ARHGAP18: variants seen among roughly 807,000 people sequenced by gnomAD.
The protein encoded by ARHGAP18 is rho GTPase-activating protein 18.
Under a neutral mutation model 86.2 loss-of-function variants are expected in ARHGAP18, and 67 were observed. The observed-to-expected ratio is 0.78, with a 90% CI of 0.64 to 0.95. ARHGAP18 has a LOEUF of 0.95. Among genes scored for constraint, ARHGAP18 ranks in the 40% least tolerant of loss-of-function variants. ARHGAP18 has a pLI of 0.00. For synonymous variants in ARHGAP18, 283 were observed against 280.4 expected (o/e 1.01, Z -0.09); for missense variants, 691 against 780.4 (o/e 0.89, Z 1.37).
chr6:129,627,055 C>A (rs1168183935), intron 5 of ARHGAP18, among the ~76,000 whole-genome samples: 2 of 151,994 alleles, frequency 1.3e-5, no homozygotes, highest in Non-Finnish European at 2.9e-5. Context: ...AGAAAATATA[C>A]CAGACAAGCC....
intron 7 of ARHGAP18, among the ~76,000 whole-genome samples, chr6:129,615,294 A>G (rs1789072901): frequency 6.6e-6 from 1 of 152,218 alleles, no homozygotes; most frequent in Non-Finnish European, 1.5e-5. Context: ...GCAGTGGCTA[A>G]AAGAGGCTGA....
At chr6:129,578,740 G>A in intron 14 of ARHGAP18, 136 bp from the exon 15 acceptor site, 2 of 575,026 alleles carry the variant, frequency 3.5e-6, no homozygotes, top group Admixed American at 6.0e-5. Context: ...GAGGTGGGCA[G>A]ATTGGTTGAG....
intron 3 of ARHGAP18, among the ~76,000 whole-genome samples, chr6:129,637,222 A>T (rs1278727503): frequency 6.6e-6 from 1 of 152,022 alleles, no homozygotes; most frequent in Non-Finnish European, 1.5e-5. Context: ...ATGCCACCGC[A>T]CCCAGCTAAT....
At chr6:129,586,685 T>C (rs1788400882) in intron 12 of ARHGAP18, among the ~76,000 whole-genome samples, 1 of 152,038 alleles carries the variant, frequency 6.6e-6, no homozygotes, top group African/African-American at 2.4e-5. Flanking sequence ...AATAAATGAG[T>C]TGCAAAACCA....
rs1788213134 is a variant in ARHGAP18, at chr6:129,577,949, G to T, written c.*564C>A. 1 of 152,130 alleles carries T rather than the reference G, an allele frequency of 6.6e-6. No homozygotes were observed. The highest frequency in any genetic ancestry group is 1.5e-5 in the Non-Finnish European group (1 of 68,020). The allele number at this position is 152,130 out of a possible 1,614,324, so 9.4% of individuals were successfully genotyped here. On this transcript the variant is annotated 3_prime_UTR_variant, in exon 15 of 15. Coordinates refer to ENST00000368149, the MANE Select transcript of ARHGAP18 (RefSeq NM_033515.3). ...CACTTCCTGTGATACAGCAGGAAAA[G>T]GTGGAATGTTATTATTTGAGCAAAT...
In ARHGAP18 at chr6:129,612,565, T is replaced by TA. The variant is rs1035200447; in HGVS notation, c.1045-956dup. ...AATCTTCTAGAGTATCAAAAGAATG[T>TA]AAAAAAAAAAATTTTCAGGGAAGCC... On this transcript the variant is annotated intron_variant, in intron 7 of 14. Transcript: ENST00000368149. 4.7e-3 allele frequency among the ~76,000 whole-genome samples: 701 copies of TA among 148,864 alleles called. 5 individuals are homozygous for TA. The highest frequency in any genetic ancestry group is 0.015 in the African/African-American group (618 of 40,756).
rs184320524 is a variant in ARHGAP18 at position 129,608,433 on chromosome 6, G to A, written c.1123-381C>T. Among the ~76,000 whole-genome samples, 325 of 152,130 alleles carry A rather than the reference G, an allele frequency of 2.1e-3. 2 individuals are homozygous for A. Among genetic ancestry groups the A allele is most frequent in the African/African-American group, 7.4e-3 (306 of 41,504 alleles). On this transcript the variant is annotated intron_variant, in intron 8 of 14. Transcript: ENST00000368149. The stretch of plus-strand genomic sequence containing the variant: ...TAAGAAAAAAATCATTAAAAAAGAA[G>A]TATATGTTTTAAATTTAGAAGTATA...
chr6:129,656,864 C>T (rs181013969), intron 1 of ARHGAP18, among the ~76,000 whole-genome samples: 25 of 152,260 alleles, frequency 1.6e-4, no homozygotes, highest in South Asian at 4.2e-4. Context: ...ATATTAATCC[C>T]CTCCTGGGAA....
At chr6:129,613,008 C>A (rs1349513646) in intron 7 of ARHGAP18, among the ~76,000 whole-genome samples, 1 of 151,902 alleles carries the variant, frequency 6.6e-6, no homozygotes, top group Non-Finnish European at 1.5e-5. Context: ...GCGAGGCGGG[C>A]GGATCACAAG....
intron 3 of ARHGAP18, among the ~76,000 whole-genome samples, chr6:129,636,750 C>G (rs540003662): frequency 2.0e-5 from 3 of 152,232 alleles, no homozygotes; most frequent in Middle Eastern, 6.8e-3. Flanking sequence ...TGGTGGCGTG[C>G]GCCTGTAGTC....
intron 3 of ARHGAP18, among the ~76,000 whole-genome samples, chr6:129,636,856 ACTT>A (rs751839596): frequency 6.6e-5 from 10 of 152,346 alleles, no homozygotes; most frequent in East Asian, 1.9e-4. Flanking sequence ...ATGTAAATCA[ACTT>A]TGACCTCAAG....
chr6:129,584,612 G>A (rs1788355342), intron 12 of ARHGAP18, among the ~76,000 whole-genome samples: 1 of 152,118 alleles, frequency 6.6e-6, no homozygotes, highest in Non-Finnish European at 1.5e-5. Context: ...ATGAGCTCAT[G>A]CTTTTTGGCT....
chr6:129,633,956 T>G, intron 4 of ARHGAP18, 86 bp downstream of exon 4: 1 of 1,164,298 alleles, frequency 8.6e-7, no homozygotes. Flanking sequence ...CTTACTAGAA[T>G]TGAAGGTAAT....
chr6:129,665,577 TAATC>T (rs1437403535), intron 1 of ARHGAP18, among the ~76,000 whole-genome samples: 3 of 151,976 alleles, frequency 2.0e-5, no homozygotes, highest in Non-Finnish European at 2.9e-5. Context: ...AAATAAAAAA[TAATC>T]AAGTAAGAGA....
chr6:129,581,448 AACT>A (rs150187018), intron 13 of ARHGAP18, among the ~76,000 whole-genome samples: 4,535 of 152,246 alleles, frequency 0.03, 122 homozygotes, highest in African/African-American at 0.072. Flanking sequence ...TAACACAATC[AACT>A]ACTATAGGTC....
At chr6:129,610,256 G>A (rs927284180) in intron 8 of ARHGAP18, among the ~76,000 whole-genome samples, 18 of 152,196 alleles carry the variant, frequency 1.2e-4, no homozygotes, top group African/African-American at 4.3e-4. Flanking sequence ...TAAATCCCCT[G>A]AGGGGATATG....
intron 1 of ARHGAP18, among the ~76,000 whole-genome samples, chr6:129,643,968 G>T (rs922538996): frequency 6.6e-6 from 1 of 152,120 alleles, no homozygotes; most frequent in Non-Finnish European, 1.5e-5. Flanking sequence ...GCTTTAATAT[G>T]CTAATAAGCC....
At chr6:129,676,971 C>T (rs1360494606) in intron 1 of ARHGAP18, among the ~76,000 whole-genome samples, 1 of 122,698 alleles carries the variant, frequency 8.2e-6, no homozygotes, top group Non-Finnish European at 1.6e-5. Flanking sequence ...TAGAGGATTC[C>T]GGGACAGTAA....
intron 5 of ARHGAP18, among the ~76,000 whole-genome samples, chr6:129,624,406 T>G (rs753785080): frequency 6.6e-6 from 1 of 152,090 alleles, no homozygotes; most frequent in East Asian, 1.9e-4. Context: ...GGCATGTGCC[T>G]GCAATCCCTG....
Sources: allele counts gnomAD v4.1 joint callset (sites outside exome capture counted in the v4.1 genomes callset), GRCh38; gene constraint gnomAD v4.1.1; transcripts MANE v1.5; gene names NCBI Gene and HGNC (gene_info 2026-07-23, HGNC 2026-07-21).